Variants in SPAST observed in about 807,000 individuals in gnomAD.
SPAST encodes the protein spastin.
A neutral mutation model predicts 76.6 loss-of-function variants in SPAST; 30 were observed. The ratio of observed to expected loss-of-function variants is 0.39; its 90% CI spans 0.29 to 0.53. The LOEUF (loss-of-function observed/expected upper bound fraction) is 0.53. Ranked by LOEUF, SPAST falls within the 20% of genes least tolerant of loss-of-function variation. The pLI, the probability that SPAST is intolerant of heterozygous loss-of-function variation, is 0.68. For synonymous variants in SPAST, 305 were observed against 281.0 expected (o/e 1.09, Z -0.86); for missense variants, 717 against 770.5 (o/e 0.93, Z 0.82).
chr2:32,111,265 TATATATACA>T (rs1678583266), intron 4 of SPAST, among the ~76,000 whole-genome samples: 3 of 99,424 alleles, frequency 3.0e-5, no homozygotes, highest in South Asian at 8.1e-4. Context: ...GTGTATAGCG[TATATATACA>T]GTATACTATA....
chr2:32,111,364 GCGTATATAT>G (rs1558320872), intron 4 of SPAST, among the ~76,000 whole-genome samples: 13 of 127,900 alleles, frequency 1.0e-4, no homozygotes, highest in Non-Finnish European at 2.1e-4. Flanking sequence ...AGTGTGTATA[GCGTATATAT>G]AGTATACTGT....
chr2:32,072,141 C>T (rs895714160), intron 1 of SPAST, among the ~76,000 whole-genome samples: 1 of 152,136 alleles, frequency 6.6e-6, no homozygotes. Flanking sequence ...CTCCTGTGTT[C>T]ACGCCGTTCT....
At chr2:32,110,550 ACTATATAGT>A (rs570801034) in intron 4 of SPAST, among the ~76,000 whole-genome samples, 10 of 121,844 alleles carry the variant, frequency 8.2e-5, no homozygotes, top group African/African-American at 2.7e-4. Context: ...GTATATATAT[ACTATATAGT>A]GTGTATATAT....
At chr2:32,116,335 T>G in intron 7 of SPAST, 123 bp downstream of exon 7, 2 of 681,976 alleles carry the variant, frequency 2.9e-6, no homozygotes, top group Non-Finnish European at 5.1e-6. Flanking sequence ...TAACAATAGA[T>G]TTAATGTTTT....
chr2:32,079,539 C>T (rs2148701660), intron 1 of SPAST, among the ~76,000 whole-genome samples: 1 of 151,308 alleles, frequency 6.6e-6, no homozygotes, highest in Non-Finnish European at 1.5e-5. Flanking sequence ...TTTTCCAACT[C>T]ATGTACACCC....
chr2:32,101,783 G>T (rs1340643085), intron 4 of SPAST, among the ~76,000 whole-genome samples: 1 of 152,176 alleles, frequency 6.6e-6, no homozygotes, highest in Non-Finnish European at 1.5e-5. Context: ...TCACATGGTT[G>T]TAGATGTGTG....
At chr2:32,084,550 A>G (rs1558620769) in intron 1 of SPAST, among the ~76,000 whole-genome samples, 2 of 152,070 alleles carry the variant, frequency 1.3e-5, no homozygotes, top group African/African-American at 2.4e-5. Flanking sequence ...ATTGTTTGAA[A>G]TGTTGAAAAA....
At chr2:32,099,065 A>C (rs1347639826) in intron 4 of SPAST, among the ~76,000 whole-genome samples, 174 bp downstream of exon 4, 1 of 152,232 alleles carries the variant, frequency 6.6e-6, no homozygotes, top group Non-Finnish European at 1.5e-5. Flanking sequence ...ACATGCAACA[A>C]GTCAGGTATA....
chr2:32,083,414 C>G (rs920121563), intron 1 of SPAST, among the ~76,000 whole-genome samples: 11 of 151,930 alleles, frequency 7.2e-5, no homozygotes, highest in African/African-American at 2.4e-4. Context: ...GTTTTTCCAA[C>G]TGGGTGCCAT....
At chr2:32,140,863 C>T (rs1679695062) in intron 12 of SPAST, among the ~76,000 whole-genome samples, 1 of 151,050 alleles carries the variant, frequency 6.6e-6, no homozygotes, top group Non-Finnish European at 1.5e-5. Flanking sequence ...AAAATCTTCT[C>T]ATGCATGTTC....
At chr2:32,081,907 T>C (rs181147005) in intron 1 of SPAST, among the ~76,000 whole-genome samples, 321 of 151,238 alleles carry the variant, frequency 2.1e-3, no homozygotes, top group African/African-American at 7.3e-3. Flanking sequence ...GGGCTTGATA[T>C]GGTCCCTCCT....
At chr2:32,107,642 A>T (rs959067903) in intron 4 of SPAST, among the ~76,000 whole-genome samples, 1 of 152,212 alleles carries the variant, frequency 6.6e-6, no homozygotes, top group Non-Finnish European at 1.5e-5. Flanking sequence ...AAGGATGCTG[A>T]ACCAGTAAGT....
chr2:32,135,118 T>TTGTGTG (rs57308975), intron 9 of SPAST, among the ~76,000 whole-genome samples: 13,272 of 147,414 alleles, frequency 0.09, 675 homozygotes, highest in South Asian at 0.13. Flanking sequence ...TCTGATAATT[T>TTGTGTG]TGTGTGTGTG....
chr2:32,068,146 T>G (rs1446164426), intron 1 of SPAST, among the ~76,000 whole-genome samples: 1 of 150,660 alleles, frequency 6.6e-6, no homozygotes, highest in African/African-American at 2.4e-5. Context: ...GCCCAGCTAA[T>G]TTTTTGTATT....
In SPAST at chr2:32,154,549, G is replaced by C; in HGVS notation, c.*53G>C. On this transcript the variant is annotated 3_prime_UTR_variant, in exon 17 of 17. Transcript: ENST00000315285. Reference sequence around the variant, plus strand: ...ATTTTACTTAAAAGAGGAAACACAAGATCTTCAATGAACGTCATCGGCTAC... The same window carrying C: ...ATTTTACTTAAAAGAGGAAACACAACATCTTCAATGAACGTCATCGGCTAC... 6.3e-7 allele frequency: 1 copy of C among 1,575,100 alleles called. No individual in the cohort carries two copies. Among genetic ancestry groups the C allele is most frequent in the Admixed American group, 1.7e-5 (1 of 59,938 alleles).
chr2:32,099,353 A>G (rs1678034334), intron 4 of SPAST, among the ~76,000 whole-genome samples: 1 of 152,160 alleles, frequency 6.6e-6, no homozygotes, highest in African/African-American at 2.4e-5. Context: ...TTGAAACTTC[A>G]CATAGTGAGG....
At chr2:32,137,423 C>G (rs545523798) in intron 12 of SPAST, among the ~76,000 whole-genome samples, 2 of 152,266 alleles carry the variant, frequency 1.3e-5, no homozygotes, top group South Asian at 4.1e-4. Context: ...TTGGTCAGTT[C>G]TTCTGGGTTG....
chr2:32,147,788 C>T (rs966788459), intron 16 of SPAST, among the ~76,000 whole-genome samples: 6 of 152,036 alleles, frequency 3.9e-5, no homozygotes, highest in Middle Eastern at 3.4e-3. Context: ...CCCACCACCA[C>T]GCCTGGCTAA....
At chr2:32,064,921 C>T (rs1254751012) in intron 1 of SPAST, among the ~76,000 whole-genome samples, 1 of 152,078 alleles carries the variant, frequency 6.6e-6, no homozygotes, top group Admixed American at 6.6e-5. Flanking sequence ...GAATGGATTG[C>T]GTAAACTTAA....
Sources: allele counts gnomAD v4.1 joint callset (sites outside exome capture counted in the v4.1 genomes callset), GRCh38; gene constraint gnomAD v4.1.1; transcripts MANE v1.5; gene names NCBI Gene and HGNC (gene_info 2026-07-23, HGNC 2026-07-21).